The following CALD1 variants were observed in gnomAD, a reference collection of about 807,000 sequenced individuals.
CALD1 encodes caldesmon 1.
A neutral mutation model predicts 99.9 loss-of-function variants in CALD1; 33 were observed. That is an observed-to-expected ratio of 0.33 (90% CI 0.25 to 0.44). The LOEUF is 0.44. Ranked by LOEUF, CALD1 falls within the 20% of genes least tolerant of loss-of-function variation. The probability of loss-of-function intolerance (pLI) is 1.00; values close to 1 mark genes in which losing one functional copy is unlikely to be tolerated. For synonymous variants in CALD1, 310 were observed against 325.0 expected, an observed-to-expected ratio of 0.95 and a Z score of 0.50; for missense variants, 861 against 962.1, an observed-to-expected ratio of 0.89 and a Z score of 1.39.
rs116808295 is a variant in CALD1, at chr7:134,787,658, G to T, written c.-130+7909G>T. 5.5e-3 allele frequency among the ~76,000 whole-genome samples: 840 copies of T among 152,276 alleles called. 5 individuals carry two copies. Among genetic ancestry groups the T allele is most frequent in the African/African-American group, 0.019 (809 of 41,542 alleles). On this transcript the variant is annotated intron_variant, in intron 1 of 14. Coordinates refer to ENST00000361675, the MANE Select transcript of CALD1 (RefSeq NM_033138.4). ...GGAGACTTTGAGTGCATGGATGGGGGATAATTTGCTTTTGCAGAAGGACAG... is the reference window on the plus strand; with the variant it reads ...GGAGACTTTGAGTGCATGGATGGGGTATAATTTGCTTTTGCAGAAGGACAG...
Position 134,928,758 on chromosome 7 carries a change from G to A in CALD1, c.76G>A (p.Ala26Thr), listed in dbSNP as rs758287951. 3 of 1,613,410 alleles carry A rather than the reference G, an allele frequency of 1.9e-6. No individual in the cohort carries two copies. Among genetic ancestry groups the A allele is most frequent in the South Asian group, 1.1e-5 (1 of 90,902 alleles). The change falls in exon 4 of 15, where the codon GCC becomes ACC. Residue 26 changes from alanine (A) to threonine (T), a missense_variant. By Grantham distance (58) the Ala-to-Thr change is moderately conservative. Coordinates refer to ENST00000361675, the MANE Select transcript of CALD1 (RefSeq NM_033138.4). The part of the protein sequence containing the change: ...EEMRLEAERI[A>T]YQRNDDDEEE... Reference sequence around the variant, plus strand: ...GTTGTCTTTGTAATGTTGCAGAATCGCCTACCAGAGGAATGACGATGATGA... The same window carrying A: ...GTTGTCTTTGTAATGTTGCAGAATCACCTACCAGAGGAATGACGATGATGA...
intron 3 of CALD1, among the ~76,000 whole-genome samples, chr7:134,869,890 A>G (rs1432585463): frequency 6.6e-6 from 1 of 152,176 alleles, no homozygotes; most frequent in Admixed American, 6.5e-5. Flanking sequence ...CAAAGAAGAC[A>G]ACGTACCAGG....
intron 3 of CALD1, chr7:134,891,627 G>T: frequency 6.2e-7 from 1 of 1,609,978 alleles, no homozygotes; most frequent in Non-Finnish European, 8.5e-7. Flanking sequence ...GGACATGCTG[G>T]GTGGATCCGG....
At chr7:134,826,120 G>C (rs1798981637) in intron 1 of CALD1, among the ~76,000 whole-genome samples, 1 of 151,960 alleles carries the variant, frequency 6.6e-6, no homozygotes, top group Non-Finnish European at 1.5e-5. Context: ...TTAAAGAGGG[G>C]TGAACAAAAC....
intron 1 of CALD1, among the ~76,000 whole-genome samples, chr7:134,824,053 G>T (rs950866068): frequency 3.9e-5 from 6 of 152,168 alleles, no homozygotes; most frequent in Non-Finnish European, 8.8e-5. Context: ...GATTAGGAGT[G>T]CCATTAAGCT....
intron 11 of CALD1, among the ~76,000 whole-genome samples, chr7:134,959,174 T>TTCTTTA (rs1554479300): frequency 6.6e-6 from 1 of 151,866 alleles, no homozygotes; most frequent in Non-Finnish European, 1.5e-5. Context: ...TGTTTTTTTG[T>TTCTTTA]TTTTTATTTT....
chr7:134,863,853 CAAAG>C (rs1171651245), intron 2 of CALD1, among the ~76,000 whole-genome samples: 2 of 151,464 alleles, frequency 1.3e-5, no homozygotes, highest in African/African-American at 4.9e-5. Flanking sequence ...AAAAAAGTCA[CAAAG>C]AAAGAGAAAA....
At chr7:134,859,824 T>C (rs1800484501) in intron 2 of CALD1, among the ~76,000 whole-genome samples, 3 of 152,158 alleles carry the variant, frequency 2.0e-5, no homozygotes, top group Admixed American at 6.5e-5. Context: ...TTCCTAAGTG[T>C]TGAAGTTAGT....
intron 2 of CALD1, among the ~76,000 whole-genome samples, chr7:134,862,911 G>T (rs1427225026): frequency 6.6e-6 from 1 of 152,160 alleles, no homozygotes; most frequent in African/African-American, 2.4e-5. Flanking sequence ...TGTCAGCATG[G>T]CCAGGCTCCC....
chr7:134,908,727 C>T (rs976631957), intron 3 of CALD1, among the ~76,000 whole-genome samples: 1 of 152,202 alleles, frequency 6.6e-6, no homozygotes, highest in Admixed American at 6.5e-5. Flanking sequence ...AACTGCTACT[C>T]TGAAATGCAT....
At chr7:134,844,524 T>G (rs2132170173) in intron 2 of CALD1, among the ~76,000 whole-genome samples, 1 of 152,342 alleles carries the variant, frequency 6.6e-6, no homozygotes, top group African/African-American at 2.4e-5. Flanking sequence ...ATTCACAGTT[T>G]TGCTGAGCTT....
At chr7:134,756,901 A>G (rs1796735009) in intron 1 of CALD1, among the ~76,000 whole-genome samples, 1 of 152,258 alleles carries the variant, frequency 6.6e-6, no homozygotes, top group Admixed American at 6.5e-5. Context: ...TAGTCAGTGA[A>G]TAAATATATG....
At chr7:134,882,920 T>C (rs1480514809) in intron 3 of CALD1, among the ~76,000 whole-genome samples, 2 of 152,192 alleles carry the variant, frequency 1.3e-5, no homozygotes, top group Non-Finnish European at 2.9e-5. Flanking sequence ...ATTATTTTTT[T>C]CCAGTAAAGT....
intron 1 of CALD1, among the ~76,000 whole-genome samples, chr7:134,835,082 C>T (rs931904634): frequency 6.6e-6 from 1 of 152,216 alleles, no homozygotes. Flanking sequence ...ACTAGTTACT[C>T]TTTCAGCTGA....
At chr7:134,711,697 TG>T in the CALD1 span, among the ~76,000 whole-genome samples, 3 of 129,772 alleles carry the variant, frequency 2.3e-5, no homozygotes, top group Non-Finnish European at 4.8e-5. Flanking sequence ...TGTGTGTGTG[TG>T]TGTGTGTGTG....
chr7:134,739,073 G>C, the CALD1 span, among the ~76,000 whole-genome samples: 45 of 152,148 alleles, frequency 3.0e-4, no homozygotes, highest in African/African-American at 1.1e-3. Context: ...ATTATGGAGG[G>C]AACATTGGTG....
chr7:134,908,675 G>C (rs1381333315), intron 3 of CALD1, among the ~76,000 whole-genome samples: 1 of 152,140 alleles, frequency 6.6e-6, no homozygotes, highest in East Asian at 1.9e-4. Context: ...CACTTCTCCA[G>C]GCAATTCTAA....
chr7:134,721,329 CA>C, the CALD1 span, among the ~76,000 whole-genome samples: 37,118 of 123,546 alleles, frequency 0.3, 5,199 homozygotes, highest in East Asian at 0.57. Flanking sequence ...AAGTCATCTG[CA>C]AAAAAAAAAA....
Position 134,965,351 on chromosome 7 carries a change from A to G in CALD1, c.2341A>G (p.Lys781Glu), listed in dbSNP as rs1166649725. 2 of 1,589,570 alleles carry G rather than the reference A, an allele frequency of 1.3e-6. No individual in the cohort carries two copies. Among genetic ancestry groups the G allele is most frequent in the Non-Finnish European group, 8.6e-7 (1 of 1,157,636 alleles). ...ATCCAGCAAGCGGAACCTCTGGGAA[A>G]AGCAATCTGTGGATAAGGTCACTTC... ...DVSSKRNLWE[K>E]QSVDKVTSPT... Residue 781 changes from lysine (K) to glutamate (E), a missense_variant, in exon 14 of 15, where the codon AAG becomes GAG. By Grantham distance (56) the Lys-to-Glu change is moderately conservative. Transcript: ENST00000361675.
Sources: allele counts gnomAD v4.1 joint callset (sites outside exome capture counted in the v4.1 genomes callset), GRCh38; gene constraint gnomAD v4.1.1; transcripts MANE v1.5; gene names NCBI Gene and HGNC (gene_info 2026-07-23, HGNC 2026-07-21).